The following CALN1 variants were observed in gnomAD, a reference collection of about 807,000 sequenced individuals.
CALN1 encodes the protein calneuron 1, also known as calcium-binding protein 8.
A neutral mutation model predicts 30.6 loss-of-function variants in CALN1; 17 were observed. That is an observed-to-expected ratio of 0.56 (90% confidence interval 0.38 to 0.83). The LOEUF is 0.83. Among genes scored for constraint, CALN1 ranks in the 40% least tolerant of loss-of-function variants. CALN1 has a pLI of 0.00. For missense variants in CALN1, 291 were observed against 354.9 expected, an observed-to-expected ratio of 0.82 and a Z score of 1.45; for synonymous variants, 156 against 131.4, an observed-to-expected ratio of 1.19 and a Z score of -1.28.
intron 2 of CALN1, among the ~76,000 whole-genome samples, chr7:72,392,419 C>G (rs930487674): frequency 2.0e-5 from 3 of 152,156 alleles, no homozygotes; most frequent in African/African-American, 7.2e-5. Context: ...GGAAGAGGCT[C>G]CTGTACGGCC....
chr7:71,961,224 C>T (rs1484384389), intron 5 of CALN1, among the ~76,000 whole-genome samples: 1 of 152,204 alleles, frequency 6.6e-6, no homozygotes, highest in East Asian at 1.9e-4. Context: ...ACTTCTCATT[C>T]ATTTATTCAC....
At chr7:72,397,624 G>C (rs1016833618) in intron 2 of CALN1, among the ~76,000 whole-genome samples, 1 of 151,644 alleles carries the variant, frequency 6.6e-6, no homozygotes, top group Non-Finnish European at 1.5e-5. Context: ...CAATGGTTAG[G>C]AACAAGCACA....
intron 3 of CALN1, among the ~76,000 whole-genome samples, chr7:72,234,029 A>T (rs1026417735): frequency 6.6e-5 from 10 of 152,220 alleles, no homozygotes; most frequent in African/African-American, 1.9e-4. Flanking sequence ...ACAAACAAAC[A>T]AACAAACTAA....
At chr7:71,879,006 T>C (rs1402451394) in intron 5 of CALN1, among the ~76,000 whole-genome samples, 1 of 152,218 alleles carries the variant, frequency 6.6e-6, no homozygotes, top group Non-Finnish European at 1.5e-5. Context: ...GGCAGTGAAC[T>C]GAGGACTTAT....
At chr7:72,076,623 A>C (rs1804753775) in intron 4 of CALN1, among the ~76,000 whole-genome samples, 1 of 133,056 alleles carries the variant, frequency 7.5e-6, no homozygotes, top group Non-Finnish European at 1.6e-5. Flanking sequence ...AAAAAAAAAA[A>C]AAAAAAAAAA....
chr7:72,316,054 G>A (rs1247490288), intron 2 of CALN1, among the ~76,000 whole-genome samples: 2 of 151,978 alleles, frequency 1.3e-5, no homozygotes, highest in Admixed American at 1.3e-4. Context: ...AGGAAGCTGA[G>A]GCAGGAGAAT....
intron 4 of CALN1, among the ~76,000 whole-genome samples, chr7:72,061,796 C>CAAAAAAAAAAAAAA (rs1161510912): frequency 4.7e-5 from 4 of 85,116 alleles, no homozygotes; most frequent in Admixed American, 1.3e-4. Flanking sequence ...GACTCTGTCT[C>CAAAAAAAAAAAAAA]AAAAAAAAAA....
At chr7:72,125,945 G>A (rs559625947) in intron 3 of CALN1, among the ~76,000 whole-genome samples, 18 of 151,966 alleles carry the variant, frequency 1.2e-4, no homozygotes, top group South Asian at 2.1e-4. Context: ...GATTATAGGC[G>A]CGTGCCACCA....
chr7:72,168,892 G>A (rs11972233), intron 3 of CALN1, among the ~76,000 whole-genome samples: 3,874 of 146,818 alleles, frequency 0.026, 180 homozygotes, highest in African/African-American at 0.092. Context: ...TGCAACCTCC[G>A]CCTCCCAGGT....
intron 3 of CALN1, among the ~76,000 whole-genome samples, chr7:72,231,338 G>C (rs1003828822): frequency 6.6e-5 from 10 of 152,118 alleles, no homozygotes; most frequent in African/African-American, 2.4e-4. Context: ...CTGTGTCCAT[G>C]TGTTCTCATT....
intron 2 of CALN1, among the ~76,000 whole-genome samples, chr7:72,323,209 C>T (rs1409345185): frequency 6.6e-6 from 1 of 152,036 alleles, no homozygotes; most frequent in Non-Finnish European, 1.5e-5. Flanking sequence ...CTGTCTTGTT[C>T]TGAGGGGTGG....
chr7:72,202,554 C>A (rs892412024), intron 3 of CALN1, among the ~76,000 whole-genome samples: 2 of 152,182 alleles, frequency 1.3e-5, no homozygotes, highest in African/African-American at 4.8e-5. Flanking sequence ...GAATGAAAAT[C>A]AGACTGACCC....
chr7:71,842,354 C>T (rs982783749), intron 5 of CALN1, among the ~76,000 whole-genome samples: 1 of 152,216 alleles, frequency 6.6e-6, no homozygotes, highest in Admixed American at 6.5e-5. Context: ...ACTGGATGCT[C>T]CTCCCAAATT....
the CALN1 span, among the ~76,000 whole-genome samples, chr7:72,458,226 T>A: frequency 1.9e-5 from 2 of 106,198 alleles, no homozygotes; most frequent in South Asian, 5.0e-4. Context: ...ATATATTATA[T>A]AATATATTCT....
chr7:72,012,584 T>C (rs947253887), intron 5 of CALN1, among the ~76,000 whole-genome samples: 1 of 152,214 alleles, frequency 6.6e-6, no homozygotes, highest in South Asian at 2.1e-4. Context: ...TCAGACTTTT[T>C]CCCAAAATAT....
chr7:72,146,499 TCA>T lies in CALN1; in HGVS notation c.245-40207_245-40206del, dbSNP rs560057079. On this transcript the variant is annotated intron_variant, in intron 3 of 6. Coordinates refer to ENST00000395275, the MANE Select transcript of CALN1 (RefSeq NM_031468.4). ...AAATAAATGGAAGAACATTCCATGC[TCA>T]TGGATAGGAAGAATCAATATCGTGA... 9.8e-3 allele frequency among the ~76,000 whole-genome samples: 1,499 copies of T among 152,308 alleles called. 24 individuals carry two copies. The highest frequency in any genetic ancestry group is 0.034 in the African/African-American group (1,422 of 41,558).
chr7:72,037,383 C>G (rs1423992784), intron 4 of CALN1, among the ~76,000 whole-genome samples: 1 of 152,092 alleles, frequency 6.6e-6, no homozygotes, highest in Non-Finnish European at 1.5e-5. Context: ...ATCTCCTGAC[C>G]TTGTGATCCA....
rs965254170 is a variant in CALN1, at chr7:71,972,241, A to G, written c.501+51416T>C. 2.0e-5 allele frequency among the ~76,000 whole-genome samples: 3 copies of G among 152,158 alleles called. No individual in the cohort carries two copies. The South Asian group carries it at 6.2e-4, about 32-fold the overall frequency. ...GCCCAAAGCTTAATGATGACATTCA[A>G]TTCGTTCTGAACACCCCACAGGATT... is the stretch of plus-strand genomic sequence containing the variant. On this transcript the variant is annotated intron_variant, in intron 5 of 6. Coordinates refer to ENST00000395275, the MANE Select transcript of CALN1 (RefSeq NM_031468.4).
At chr7:72,352,915 G>C (rs575568638) in intron 2 of CALN1, among the ~76,000 whole-genome samples, 1 of 152,098 alleles carries the variant, frequency 6.6e-6, no homozygotes, top group South Asian at 2.1e-4. Flanking sequence ...AATCAGTATA[G>C]ATCCTAACGA....
Sources: gnomAD v4.1 joint callset for allele counts (sites outside exome capture counted in the v4.1 genomes callset) on GRCh38, gnomAD v4.1.1 for gene constraint, MANE v1.5 for transcripts, NCBI Gene and HGNC (gene_info 2026-07-23, HGNC 2026-07-21) for gene names.